KIF18B: variants seen among roughly 807,000 people sequenced by gnomAD.
The protein encoded by KIF18B is kinesin family member 18B, also known as kinesin-like protein KIF18B.
KIF18B carries 49 observed loss-of-function variants against 80.9 expected under a neutral mutation model. The ratio of observed to expected loss-of-function variants is 0.61; its 90% confidence interval spans 0.48 to 0.77. The LOEUF is 0.77. Ranked by LOEUF, KIF18B falls within the 30% of genes least tolerant of loss-of-function variation. KIF18B has a pLI of 0.00. For missense variants in KIF18B, 994 were observed against 1,127.7 expected (o/e 0.88, Z 1.70); for synonymous variants, 439 against 463.9 (o/e 0.95, Z 0.69).
In KIF18B at chr17:44,942,636, T is replaced by C. The variant is rs559914753; in HGVS notation, c.-15+4992A>G. 5.3e-5 allele frequency among the ~76,000 whole-genome samples: 8 copies of C among 152,364 alleles called. No homozygotes were observed. In the South Asian group the frequency reaches 1.4e-3, roughly 28 times the overall value. On this transcript the variant is annotated intron_variant, in intron 1 of 15. Transcript: ENST00000593135. ...CTTAAACTCCAAGAGGAGGACCTTC[T>C]TCTGACATAGTCTGTGTACCCCAGG...
In KIF18B at chr17:44,936,257, C is replaced by T; in HGVS notation, c.88G>A (p.Val30Ile). The T allele has an allele frequency of 6.2e-7, 1 of 1,610,596 alleles. No individual in the cohort carries two copies. Among genetic ancestry groups the T allele is most frequent in the Non-Finnish European group, 8.5e-7 (1 of 1,179,154 alleles). ...RELDSQRRPV[V>I]QVVDERVLVF... is the part of the protein sequence containing the mutation. ...AGCACCCGCTCGTCCACCACCTGAACCACTGGCCGCCGCTGACTGTCCAGC... is the reference window on the plus strand; with the variant it reads ...AGCACCCGCTCGTCCACCACCTGAATCACTGGCCGCCGCTGACTGTCCAGC... The change falls in exon 2 of 16, where the codon GTT becomes ATT. Residue 30 changes from valine (V) to isoleucine (I), a missense_variant. Physicochemically the swap from Val to Ile is conservative, Grantham distance 29. Coordinates refer to ENST00000593135, the MANE Select transcript of KIF18B (RefSeq NM_001265577.2).
At chr17:44,931,567 A>G in intron 11 of KIF18B, 35 bp downstream of exon 11, 1 of 1,613,722 alleles carries the variant, frequency 6.2e-7, no homozygotes, top group Non-Finnish European at 8.5e-7. Context: ...ATTGCTTCCC[A>G]CCTTGATTCC....
At chr17:44,941,963 C>T (rs569556043) in intron 1 of KIF18B, among the ~76,000 whole-genome samples, 4 of 152,190 alleles carry the variant, frequency 2.6e-5, no homozygotes, top group African/African-American at 7.2e-5. Context: ...GTGCTGGGGG[C>T]GTGGGGCACA....
intron 1 of KIF18B, among the ~76,000 whole-genome samples, chr17:44,946,037 T>C (rs774973301): frequency 2.2e-4 from 33 of 148,146 alleles, no homozygotes; most frequent in Non-Finnish European, 4.6e-4. Context: ...CTGGGCAACA[T>C]AGGGAGAACT....
Position 44,925,866 on chromosome 17 carries a change from A to G in KIF18B, c.*214T>C, listed in dbSNP as rs1202291224. On this transcript the variant is annotated 3_prime_UTR_variant, in exon 16 of 16. Transcript: ENST00000593135. The stretch of plus-strand genomic sequence containing the variant: ...CTCACAAATGAATATGTACATGCCA[A>G]GAAGCTGAGTGTAACAGGAGATTAA... 1.7e-6 allele frequency: 1 copy of G among 605,932 alleles called. No homozygotes were observed. The highest frequency in any genetic ancestry group is 2.9e-6 in the Non-Finnish European group (1 of 341,140). The allele number at this position is 605,932 out of a possible 1,614,324, so 37.5% of individuals were successfully genotyped here. A position where few individuals can be genotyped will look rare whatever the true frequency, so the allele number is the denominator to read the frequency against.
intron 1 of KIF18B, among the ~76,000 whole-genome samples, chr17:44,946,936 C>T (rs1257968617): frequency 6.6e-6 from 1 of 151,820 alleles, no homozygotes. Context: ...CCGGCCAACC[C>T]TGTCTCTACT....
chr17:44,936,066 G>C lies in KIF18B; in HGVS notation c.279C>G (p.Val93=). 6.2e-7 allele frequency: 1 copy of C among 1,613,804 alleles called. No individual in the cohort carries two copies. Among genetic ancestry groups the C allele is most frequent in the Non-Finnish European group, 8.5e-7 (1 of 1,179,896 alleles). ...TGTAGCCCTGGAGGAAGCTGTCCAGGACGCTGTGCGTGGTGTGCTGGAACA... is the reference window on the plus strand; with the variant it reads ...TGTAGCCCTGGAGGAAGCTGTCCAGCACGCTGTGCGTGGTGTGCTGGAACA... ...QDVFQHTTHS[V]LDSFLQGYNC... The change falls in exon 2 of 16, where the codon GTC becomes GTG. Residue 93 remains valine (V), a synonymous_variant. Transcript: ENST00000593135.
intron 1 of KIF18B, among the ~76,000 whole-genome samples, chr17:44,943,932 A>G (rs878913901): frequency 1.3e-5 from 2 of 152,080 alleles, no homozygotes; most frequent in South Asian, 4.1e-4. Flanking sequence ...GCCCAGGCAG[A>G]TCTCCAACTC....
At position 44,927,853 on chromosome 17, in the gene KIF18B, A is replaced by G. The variant is rs994452074; in HGVS notation, c.2276+173T>C. Among the ~76,000 whole-genome samples, 20 of 151,932 alleles carry G rather than the reference A, an allele frequency of 1.3e-4. No homozygotes were observed. The highest frequency in any genetic ancestry group is 4.8e-4 in the African/African-American group (20 of 41,348). ...AGGCAGGGGCCCCAGGAGAAGTGAC[A>G]CCTCCCTGGCAGCTGTTGGGCCTGG... On this transcript the variant is annotated intron_variant, in intron 13 of 15. Transcript: ENST00000593135. The surrounding 1 kb of genome is among the most constrained non-coding windows in gnomAD (Gnocchi z 4.1).
chr17:44,925,961 TG>T lies in KIF18B; in HGVS notation c.*118del. On this transcript the variant is annotated 3_prime_UTR_variant, in exon 16 of 16. Coordinates refer to ENST00000593135, the MANE Select transcript of KIF18B (RefSeq NM_001265577.2). ...ACAGCAAAGGTGTGTTGGCACTAAT[TG>T]CTCCCAGGTAAGGAAGGCAGGTCCA... The T allele has an allele frequency of 1.0e-6, 1 of 975,212 alleles. No individual in the cohort carries two copies. Among genetic ancestry groups the T allele is most frequent in the Non-Finnish European group, 1.6e-6 (1 of 626,258 alleles). 60.4% of individuals were successfully genotyped at this position (975,212 alleles called of 1,614,324 possible).
In KIF18B at chr17:44,927,033, A is replaced by C. The variant is rs1254438581; in HGVS notation, c.2322T>G (p.Ser774=). The change falls in exon 14 of 16, where the codon TCT becomes TCG. Residue 774 remains serine (S), a synonymous_variant. Transcript: ENST00000593135. This position sits in a 1 kb window ranked among gnomAD's most constrained non-coding sequence, Gnocchi z 4.1. The part of the protein sequence containing the change: ...LFTMKGPKPT[S]SLPGTSACKK... ...TGCAGGCAGAGGTCCCAGGGAGGGA[A>C]GATGTTGGCTTGGGGCCCTTCATGG... The C allele has an allele frequency of 6.2e-7, 1 of 1,612,852 alleles. No homozygotes were observed. The highest frequency in any genetic ancestry group is 8.5e-7 in the Non-Finnish European group (1 of 1,179,462).
chr17:44,934,126 T>C lies in KIF18B; in HGVS notation c.886-27A>G. 6.2e-7 allele frequency: 1 copy of C among 1,608,246 alleles called. No individual in the cohort carries two copies. The highest frequency in any genetic ancestry group is 8.5e-7 in the Non-Finnish European group (1 of 1,177,436). ...TGGGGGGCAGTAAGCAGGTGTGGGG[T>C]GAGGCGACTGATGGCACTGACCCAG... is the stretch of plus-strand genomic sequence containing the variant. On this transcript the variant is annotated intron_variant, in intron 6 of 15. Transcript: ENST00000593135. This position sits in a 1 kb window ranked among gnomAD's most constrained non-coding sequence, Gnocchi z 5.4.
intron 2 of KIF18B, 56 bp from the exon 3 acceptor site, chr17:44,935,472 C>T (rs1451031968): frequency 1.3e-6 from 2 of 1,507,274 alleles, no homozygotes; most frequent in Non-Finnish European, 1.8e-6. Flanking sequence ...CAGCTCAGCC[C>T]TTCCCTCCTC....
Position 44,927,899 on chromosome 17 carries a change from CAAAGTGG to C in KIF18B, c.2276+120_2276+126del. The C allele has an allele frequency of 3.5e-6, 3 of 865,342 alleles. No individual in the cohort carries two copies. The highest frequency in any genetic ancestry group is 4.9e-6 in the Non-Finnish European group (3 of 609,824). 53.6% of individuals were successfully genotyped at this position (865,342 alleles called of 1,614,324 possible). ...CCTGGGGAGCAAAGCGGATCACAAC[CAAAGTGG>C]AACAGATAGGAACCGTCCCAGCTCC... On this transcript the variant is annotated intron_variant, in intron 13 of 15. Coordinates refer to ENST00000593135, the MANE Select transcript of KIF18B (RefSeq NM_001265577.2). This position sits in a 1 kb window ranked among gnomAD's most constrained non-coding sequence, Gnocchi z 4.1.
chr17:44,934,290 G>A lies in KIF18B; in HGVS notation c.828C>T (p.Asn276=). 3 of 1,613,314 alleles carry A rather than the reference G, an allele frequency of 1.9e-6. No homozygotes were observed. Among genetic ancestry groups the A allele is most frequent in the Admixed American group, 1.7e-5 (1 of 59,962 alleles). The change falls in exon 6 of 16, where the codon AAC becomes AAT. Residue 276 remains asparagine, a synonymous_variant. Coordinates refer to ENST00000593135, the MANE Select transcript of KIF18B (RefSeq NM_001265577.2). This position sits in a 1 kb window ranked among gnomAD's most constrained non-coding sequence, Gnocchi z 5.4. The part of the protein sequence containing the change: ...AKGERLREGA[N]INRSLLALIN... ...TGAGCGCCAGCAGAGAGCGGTTGAT[G>A]TTGGCCCCCTCCCGCAGCCGCTCCC...
intron 1 of KIF18B, among the ~76,000 whole-genome samples, chr17:44,939,617 A>T (rs2052378908): frequency 6.6e-6 from 1 of 152,212 alleles, no homozygotes; most frequent in African/African-American, 2.4e-5. Flanking sequence ...GAATTTATAG[A>T]TTAATATGAG....
At position 44,925,746 on chromosome 17, in the gene KIF18B, A is replaced by C; in HGVS notation, c.*334T>G. Reference sequence around the variant, plus strand: ...CAGTGAGCCAAGATCGTACCACTGCACTCCAGCCTGGGCGACAGAGTAAGA... The same window carrying C: ...CAGTGAGCCAAGATCGTACCACTGCCCTCCAGCCTGGGCGACAGAGTAAGA... On this transcript the variant is annotated 3_prime_UTR_variant, in exon 16 of 16. Transcript: ENST00000593135. 6.2e-6 allele frequency: 2 copies of C among 320,164 alleles called. No homozygotes were observed. The highest frequency in any genetic ancestry group is 5.7e-5 in the South Asian group (2 of 35,198). 19.8% of individuals were successfully genotyped at this position (320,164 alleles called of 1,614,324 possible). A position where few individuals can be genotyped will look rare whatever the true frequency, so the allele number is the denominator to read the frequency against.
intron 7 of KIF18B, 143 bp downstream of exon 7, chr17:44,933,780 A>T: frequency 1.2e-6 from 1 of 811,922 alleles, no homozygotes; most frequent in Non-Finnish European, 1.9e-6. Flanking sequence ...GGCATGAGCC[A>T]CCATGTCCAG....
At chr17:44,936,620 ATATATTTTTTTTTTTTTTTTTTTTTT>A (rs2052314183) in intron 1 of KIF18B, among the ~76,000 whole-genome samples, 20 of 60,156 alleles carry the variant, frequency 3.3e-4, no homozygotes, top group Admixed American at 6.8e-4. Flanking sequence ...ATATATATAT[ATATATTTTTTTTTTTTTTTTTTTTTT>A]TTTTTTTTTT....
Sources: allele counts gnomAD v4.1 joint callset (sites outside exome capture counted in the v4.1 genomes callset), GRCh38; gene constraint gnomAD v4.1.1; non-coding constraint Gnocchi (gnomAD v3.1); transcripts MANE v1.5; gene names NCBI Gene and HGNC (gene_info 2026-07-23, HGNC 2026-07-21).